MTMR8: variants seen among roughly 807,000 people sequenced by gnomAD.
The protein encoded by MTMR8 is myotubularin related protein 8.
MTMR8 carries 65 observed loss-of-function variants against 39.3 expected under a neutral mutation model. That is an observed-to-expected ratio of 1.65 (90% CI 1.35 to 2.03). The LOEUF is 2.03. Among genes scored for constraint, MTMR8 ranks in the 30% most tolerant of loss-of-function variants. MTMR8 has a pLI of 0.00. For synonymous variants in MTMR8, 245 were observed against 185.2 expected (o/e 1.32, Z -2.62); for missense variants, 777 against 538.9 (o/e 1.44, Z -4.37).
intron 1 of MTMR8, 120 bp downstream of exon 1, chrX:64,395,220 C>T: frequency 4.1e-6 from 3 of 734,141 alleles, no homozygotes; most frequent in East Asian, 3.2e-5. Context: ...GAACCCGGGA[C>T]CCCCCACAGG....
intron 4 of MTMR8, among the ~76,000 whole-genome samples, chrX:64,353,445 C>G (rs1923536942): frequency 8.9e-6 from 1 of 111,956 alleles, no homozygotes; most frequent in Admixed American, 9.5e-5. Flanking sequence ...TCTGAATAGA[C>G]ATTTCTCAAA....
chrX:64,269,392 T>C (rs772630277), intron 13 of MTMR8, among the ~76,000 whole-genome samples: 2 of 111,841 alleles, frequency 1.8e-5, no homozygotes, highest in East Asian at 5.7e-4. Flanking sequence ...ATCCTTATAA[T>C]AAACCTATTA....
chrX:64,308,513 C>T (rs1429221877), intron 12 of MTMR8, among the ~76,000 whole-genome samples: 1 of 109,301 alleles, frequency 9.1e-6, no homozygotes, highest in Non-Finnish European at 1.9e-5. Context: ...AGTTTTTTGG[C>T]TTTCCTATTT....
chrX:64,320,922 T>C (rs771106978), intron 12 of MTMR8, among the ~76,000 whole-genome samples: 3 of 112,008 alleles, frequency 2.7e-5, no homozygotes, highest in Admixed American at 1.9e-4. Flanking sequence ...TTTTCTGGAA[T>C]TTAAGGAAAT....
chrX:64,324,488 G>A (rs764584815), intron 12 of MTMR8, among the ~76,000 whole-genome samples: 5 of 110,952 alleles, frequency 4.5e-5, no homozygotes, highest in Admixed American at 1.9e-4. Context: ...TTCAAGACCA[G>A]CCTGGGCAAC....
intron 5 of MTMR8, among the ~76,000 whole-genome samples, chrX:64,349,372 A>G (rs905316297): frequency 1.8e-5 from 2 of 111,728 alleles, no homozygotes; most frequent in African/African-American, 6.5e-5. Flanking sequence ...ACTCACTTCA[A>G]TAATATGACA....
chrX:64,331,262 C>T (rs1922931944), intron 11 of MTMR8, among the ~76,000 whole-genome samples: 1 of 111,786 alleles, frequency 8.9e-6, no homozygotes, highest in Non-Finnish European at 1.9e-5. Context: ...AATGACTACT[C>T]ATACCTGCAC....
intron 12 of MTMR8, among the ~76,000 whole-genome samples, chrX:64,290,160 G>A (rs933298310): frequency 1.8e-5 from 2 of 110,048 alleles, no homozygotes; most frequent in Admixed American, 1.9e-4. Context: ...TGGTCAAGAA[G>A]GTAATGGACC....
chrX:64,349,435 C>G (rs965366189), intron 5 of MTMR8, among the ~76,000 whole-genome samples: 4 of 111,461 alleles, frequency 3.6e-5, no homozygotes, highest in African/African-American at 1.3e-4. Context: ...CACCTGACAA[C>G]TTGCCTATTT....
intron 12 of MTMR8, among the ~76,000 whole-genome samples, chrX:64,280,299 A>G (rs1269993527): frequency 2.7e-5 from 3 of 112,087 alleles, no homozygotes; most frequent in Non-Finnish European, 3.8e-5. Context: ...AAAATCCTCA[A>G]TAAAATACTG....
Position 64,337,202 on chromosome X carries a change from G to A in MTMR8, c.1101+66C>T, listed in dbSNP as rs772652027. ...CTGGCAAAAAAAATATTGTTTGACA[G>A]TTATTTTTTATTTTGTCGCAATCTG... On this transcript the variant is annotated intron_variant, in intron 9 of 13. Transcript: ENST00000374852. 5.4e-6 allele frequency: 6 copies of A among 1,117,980 alleles called. No homozygotes were observed. In the African/African-American group the frequency reaches 7.4e-5, roughly 14 times the overall value. The allele number at this position is 1,117,980 out of a possible 1,213,427, so 92.1% of individuals were successfully genotyped here. A position where few individuals can be genotyped will look rare whatever the true frequency, so the allele number is the denominator to read the frequency against.
chrX:64,352,700 A>G (rs2147231191), intron 4 of MTMR8, among the ~76,000 whole-genome samples: 1 of 111,573 alleles, frequency 9.0e-6, no homozygotes, highest in Admixed American at 9.5e-5. Context: ...TTTTCTAGCC[A>G]CATTTGATCT....
intron 12 of MTMR8, among the ~76,000 whole-genome samples, chrX:64,327,207 T>G (rs1922820304): frequency 9.0e-6 from 1 of 111,402 alleles, no homozygotes; most frequent in African/African-American, 3.3e-5. Context: ...CTAAAAAGCT[T>G]CTGCTGCACA....
At chrX:64,276,579 G>A (rs1931876121) in intron 12 of MTMR8, among the ~76,000 whole-genome samples, 1 of 112,001 alleles carries the variant, frequency 8.9e-6, no homozygotes, top group African/African-American at 3.2e-5. Context: ...TTTCCATGTA[G>A]TTGTGCAGTT....
At chrX:64,385,763 G>A (rs1924540670) in intron 1 of MTMR8, among the ~76,000 whole-genome samples, 1 of 111,182 alleles carries the variant, frequency 9.0e-6, no homozygotes. Flanking sequence ...GAAGGATGGT[G>A]CTAAACCATT....
chrX:64,276,823 C>G (rs913972962), intron 12 of MTMR8, among the ~76,000 whole-genome samples: 1 of 111,343 alleles, frequency 9.0e-6, no homozygotes, highest in African/African-American at 3.3e-5. Flanking sequence ...GAGTTCAAGT[C>G]TCATTGATCT....
chrX:64,305,654 T>C, intron 12 of MTMR8: 1 of 534,649 alleles, frequency 1.9e-6, no homozygotes. Context: ...TTCCAGAGTC[T>C]ACTACCATCT....
At chrX:64,308,078 C>A (rs1221117786) in intron 12 of MTMR8, among the ~76,000 whole-genome samples, 1 of 111,021 alleles carries the variant, frequency 9.0e-6, no homozygotes, top group East Asian at 2.8e-4. Flanking sequence ...GTGCAGCACA[C>A]CAACATGGCA....
rs1924429758 is a variant in MTMR8, at chrX:64,381,707, G to C, written c.24+13633C>G. Among the ~76,000 whole-genome samples, 3 of 111,037 alleles carry C rather than the reference G, an allele frequency of 2.7e-5. No homozygotes were observed. In the East Asian group the frequency reaches 8.5e-4, roughly 31 times the overall value. On this transcript the variant is annotated intron_variant, in intron 1 of 13. Coordinates refer to ENST00000374852, the MANE Select transcript of MTMR8 (RefSeq NM_017677.4). ...CCTATGTCCTGAATGGTATTGCCTA[G>C]GTTTTCTTCTAGGGTTTTTATGGTT... is the stretch of plus-strand genomic sequence containing the variant.
Sources: allele counts gnomAD v4.1 joint callset (sites outside exome capture counted in the v4.1 genomes callset), GRCh38; gene constraint gnomAD v4.1.1; transcripts MANE v1.5; gene names NCBI Gene and HGNC (gene_info 2026-07-23, HGNC 2026-07-21).